Variants in MPPED2 observed in about 807,000 individuals in gnomAD.
MPPED2 encodes the protein metallophosphoesterase MPPED2.
A neutral mutation model predicts 33.0 loss-of-function variants in MPPED2; 5 were observed. That is an observed-to-expected ratio of 0.15 (90% CI 0.08 to 0.32). The LOEUF (loss-of-function observed/expected upper bound fraction) is 0.32. Ranked by LOEUF, MPPED2 falls within the 10% of genes least tolerant of loss-of-function variation. MPPED2 has a pLI of 1.00. For synonymous variants in MPPED2, 136 were observed against 141.9 expected (o/e 0.96, Z 0.29); for missense variants, 275 against 372.1 (o/e 0.74, Z 2.15).
chr11:30,541,566 C>G (rs1328528128), intron 2 of MPPED2, among the ~76,000 whole-genome samples: 1 of 152,154 alleles, frequency 6.6e-6, no homozygotes, highest in Non-Finnish European at 1.5e-5. Flanking sequence ...ACTTTAAAAT[C>G]CTCAGGCTGT....
intron 4 of MPPED2, among the ~76,000 whole-genome samples, chr11:30,484,032 C>G (rs1414124424): frequency 6.6e-6 from 1 of 152,204 alleles, no homozygotes; most frequent in Admixed American, 6.5e-5. Flanking sequence ...TATGTTGACT[C>G]TGCTCTTCTT....
At chr11:30,410,156 G>C, downstream of MPPED2, 2 of 985,208 alleles carry the variant, frequency 2.0e-6, no homozygotes, top group Non-Finnish European at 2.4e-6. Context: ...TGTTGCATAT[G>C]AATAAATCCC....
At chr11:30,580,117 G>C (rs572946953) in intron 2 of MPPED2, 129 bp downstream of exon 2, 1 of 909,390 alleles carries the variant, frequency 1.1e-6, no homozygotes, top group South Asian at 1.8e-5. Flanking sequence ...TGAAACCACA[G>C]ATATCCATCT....
chr11:30,487,633 A>G (rs1951799430), intron 4 of MPPED2, among the ~76,000 whole-genome samples: 1 of 151,824 alleles, frequency 6.6e-6, no homozygotes, highest in African/African-American at 2.4e-5. Context: ...AGCACATACC[A>G]TGCCTGGCTA....
rs1441662851 is a variant in MPPED2, at chr11:30,586,179, C to G, written c.-259G>C. On this transcript the variant is annotated 5_prime_UTR_variant, in exon 1 of 7. Coordinates refer to ENST00000358117, the MANE Select transcript of MPPED2 (RefSeq NM_001584.3). The surrounding 1 kb of genome is among the most constrained non-coding windows in gnomAD (Gnocchi z 4.8). ...GGCGAGGGGCGCGAGCGGGCCAGAA[C>G]CTTCGACCCCGGAGGTCCCGCCGCA... The G allele has an allele frequency of 6.5e-6, 1 of 153,396 alleles. No homozygotes were observed. Among genetic ancestry groups the G allele is most frequent in the East Asian group, 1.9e-4 (1 of 5,192 alleles). 9.5% of individuals were successfully genotyped at this position (153,396 alleles called of 1,614,324 possible).
At chr11:30,523,266 T>C (rs56942053) in intron 3 of MPPED2, among the ~76,000 whole-genome samples, 2,618 of 152,096 alleles carry the variant, frequency 0.017, 65 homozygotes, top group African/African-American at 0.06. Flanking sequence ...AGGGGACAGA[T>C]GGAATCAAGA....
chr11:30,392,314 C>T (rs1372787744), intron 6 of MPPED2, among the ~76,000 whole-genome samples: 1 of 152,146 alleles, frequency 6.6e-6, no homozygotes, highest in East Asian at 1.9e-4. Flanking sequence ...CTGTTCTCAC[C>T]GGTCTGTCTC....
intron 4 of MPPED2, among the ~76,000 whole-genome samples, chr11:30,484,120 T>G (rs1007177214): frequency 6.6e-6 from 1 of 152,210 alleles, no homozygotes; most frequent in African/African-American, 2.4e-5. Flanking sequence ...GCACCATTTT[T>G]TATTTAATGT....
chr11:30,384,263 ATT>A (rs1186283307), downstream of MPPED2, among the ~76,000 whole-genome samples: 2 of 152,192 alleles, frequency 1.3e-5, no homozygotes, highest in Non-Finnish European at 2.9e-5. Context: ...AATGTTATGT[ATT>A]GAGTTCAGGA....
intron 2 of MPPED2, among the ~76,000 whole-genome samples, chr11:30,547,732 T>C (rs1348834006): frequency 6.6e-6 from 1 of 152,260 alleles, no homozygotes; most frequent in Admixed American, 6.5e-5. Context: ...TTATTCCATA[T>C]AAATTCATGG....
intron 2 of MPPED2, among the ~76,000 whole-genome samples, chr11:30,564,718 A>G (rs969897584): frequency 2.0e-5 from 3 of 152,200 alleles, no homozygotes; most frequent in Admixed American, 6.5e-5. Flanking sequence ...GAAGCCTTAT[A>G]TGTTAAACTC....
At chr11:30,456,551 C>CGT (rs140981878) in intron 4 of MPPED2, among the ~76,000 whole-genome samples, 4 of 151,056 alleles carry the variant, frequency 2.6e-5, no homozygotes, top group Admixed American at 6.6e-5. Context: ...TGTGTGTGTG[C>CGT]GTGTGTGTGT....
chr11:30,586,111 G>T lies in MPPED2; in HGVS notation c.-191C>A, dbSNP rs1957459172. ...CGGCGAGCAGGCGATCCATAGCCGA[G>T]CGGCCCGAGCCGGCTGGAGGAGCGC... On this transcript the variant is annotated 5_prime_UTR_variant, in exon 1 of 7. Transcript: ENST00000358117. The surrounding 1 kb of genome is among the most constrained non-coding windows in gnomAD (Gnocchi z 4.8). 1 of 152,380 alleles carries T rather than the reference G, an allele frequency of 6.6e-6. No homozygotes were observed. The highest frequency in any genetic ancestry group is 6.5e-5 in the Admixed American group (1 of 15,290). The allele number at this position is 152,380 out of a possible 1,614,324, so 9.4% of individuals were successfully genotyped here.
In MPPED2 at chr11:30,414,247, C is replaced by T; in HGVS notation, c.747G>A (p.Val249=). 2 of 1,613,346 alleles carry T rather than the reference C, an allele frequency of 1.2e-6. No individual in the cohort carries two copies. The highest frequency in any genetic ancestry group is 1.7e-6 in the Non-Finnish European group (2 of 1,179,318). ...TCTTACCTTCATGGATTCCACCAAA[C>T]ACATGGAGCTTGGGCCGGACTCGCC... ...VQRRVRPKLH[V]FGGIHEGYGI... The change falls in exon 6 of 7, where the codon GTG becomes GTA. Residue 249 remains valine, a synonymous_variant. Transcript: ENST00000358117.
At chr11:30,575,482 G>T (rs1017783556) in intron 2 of MPPED2, among the ~76,000 whole-genome samples, 2 of 152,220 alleles carry the variant, frequency 1.3e-5, no homozygotes, top group East Asian at 1.9e-4. Context: ...ACCCAGCCAC[G>T]CCAGTAACTG....
chr11:30,406,024 G>A (rs953740809), downstream of MPPED2, among the ~76,000 whole-genome samples: 6 of 151,996 alleles, frequency 3.9e-5, no homozygotes, highest in South Asian at 2.1e-4. Flanking sequence ...ATGTCAAAAC[G>A]CATGACAAAC....
In MPPED2 at chr11:30,495,496, T is replaced by C. The variant is rs1279073756; in HGVS notation, c.336A>G (p.Ile112Met). The change falls in exon 4 of 7, where the codon ATA becomes ATG. Residue 112 changes from isoleucine to methionine, a missense_variant. Transcript: ENST00000358117. ...WLGNLPYEYK[I>M]VIAGNHELTF... ...TCAGTTCATGATTCCCAGCAATCAC[T>C]ATTTTATATTCATATGGCAGGTTTC... The C allele has an allele frequency of 1.2e-6, 2 of 1,613,882 alleles. No individual in the cohort carries two copies. Among genetic ancestry groups the C allele is most frequent in the African/African-American group, 2.7e-5 (2 of 74,930 alleles).
chr11:30,540,327 A>G (rs944394475), intron 2 of MPPED2, among the ~76,000 whole-genome samples: 2 of 152,184 alleles, frequency 1.3e-5, no homozygotes, highest in Non-Finnish European at 2.9e-5. Flanking sequence ...CCTGGCTCTG[A>G]AATCCACTCC....
At chr11:30,524,333 G>A (rs1287081688) in intron 3 of MPPED2, among the ~76,000 whole-genome samples, 5 of 152,124 alleles carry the variant, frequency 3.3e-5, no homozygotes, top group Non-Finnish European at 7.4e-5. Flanking sequence ...AAAGAGTGAG[G>A]GAGAGGCCAG....
Sources: allele counts gnomAD v4.1 joint callset (sites outside exome capture counted in the v4.1 genomes callset), GRCh38; gene constraint gnomAD v4.1.1; non-coding constraint Gnocchi (gnomAD v3.1); transcripts MANE v1.5; gene names NCBI Gene and HGNC (gene_info 2026-07-23, HGNC 2026-07-21).